DOCK1: variants seen among roughly 807,000 people sequenced by gnomAD.
The protein encoded by DOCK1 is dedicator of cytokinesis 1.
A neutral mutation model predicts 262.7 loss-of-function variants in DOCK1; 138 were observed. The observed-to-expected ratio is 0.53, with a 90% CI of 0.46 to 0.61. The LOEUF is 0.61. Among genes scored for constraint, DOCK1 ranks in the 20% least tolerant of loss-of-function variants. The pLI, the probability that DOCK1 is intolerant of heterozygous loss-of-function variation, is 0.00. For synonymous variants in DOCK1, 866 were observed against 867.4 expected, an observed-to-expected ratio of 1.00 and a Z score of 0.03; for missense variants, 1,908 against 2,370.7, an observed-to-expected ratio of 0.80 and a Z score of 4.05.
chr10:127,195,249 G>C (rs570177608), intron 27 of DOCK1, among the ~76,000 whole-genome samples: 2 of 152,224 alleles, frequency 1.3e-5, no homozygotes, highest in South Asian at 2.1e-4. Flanking sequence ...CCCCGACCCC[G>C]GGCTGCCCGC....
At chr10:127,272,742 T>C (rs1324193744) in intron 29 of DOCK1, among the ~76,000 whole-genome samples, 1 of 152,218 alleles carries the variant, frequency 6.6e-6, no homozygotes, top group African/African-American at 2.4e-5. Flanking sequence ...AGAAAGAGTT[T>C]ATTGGACTTA....
intron 27 of DOCK1, among the ~76,000 whole-genome samples, chr10:127,157,526 T>C (rs1273051819): frequency 2.0e-5 from 3 of 152,270 alleles, no homozygotes; most frequent in Admixed American, 2.0e-4. Context: ...TCATTTTCAC[T>C]CAATTTTCTT....
At chr10:127,327,739 A>G (rs2135627115) in intron 29 of DOCK1, among the ~76,000 whole-genome samples, 1 of 152,346 alleles carries the variant, frequency 6.6e-6, no homozygotes, top group South Asian at 2.1e-4. Context: ...AACAGCTGGT[A>G]GGACCCAGCC....
rs565118703 is a variant in DOCK1 at position 127,273,151 on chromosome 10, G to A, written c.3044+15722G>A. ...ATTCAGGGGAAAACACTAAAGTGAAGTTTCCTGCAAGAGCCAGAAAATCCT... is the reference window on the plus strand; with the variant it reads ...ATTCAGGGGAAAACACTAAAGTGAAATTTCCTGCAAGAGCCAGAAAATCCT... On this transcript the variant is annotated intron_variant, in intron 29 of 51. Coordinates refer to ENST00000623213, the MANE Select transcript of DOCK1 (RefSeq NM_001290223.2). Among the ~76,000 whole-genome samples the A allele has an allele frequency of 2.6e-5, 4 of 152,334 alleles. No homozygotes were observed. The East Asian group carries it at 5.8e-4, about 22-fold the overall frequency.
intron 43 of DOCK1, among the ~76,000 whole-genome samples, 175 bp from the exon 44 acceptor site, chr10:127,414,977 G>A (rs538092783): frequency 5.3e-5 from 8 of 152,320 alleles, no homozygotes; most frequent in African/African-American, 1.7e-4. Context: ...TAGGTAGAGC[G>A]TGGCTTGTGA....
chr10:127,344,856 G>A (rs900700284), intron 31 of DOCK1, among the ~76,000 whole-genome samples: 4 of 152,016 alleles, frequency 2.6e-5, no homozygotes, highest in Non-Finnish European at 5.9e-5. Context: ...GGGCAACATG[G>A]CAAGACCCCC....
chr10:127,280,028 ATATAT>A (rs2060889781), intron 29 of DOCK1, among the ~76,000 whole-genome samples: 1 of 141,642 alleles, frequency 7.1e-6, no homozygotes, highest in African/African-American at 2.6e-5. Context: ...ATATATATAT[ATATAT>A]AATTTTTTTT....
Position 127,024,698 on chromosome 10 carries a change from C to T in DOCK1, c.1466C>T (p.Pro489Leu), listed in dbSNP as rs201991461. The stretch of plus-strand genomic sequence containing the variant: ...CTTCTTTTAAAGCATGTGATTTTCC[C>T]GGGTGCTGGTGATGAAGCGATTTCA... ...DGKRLEHVIF[P>L]GAGDEAISEY... The change falls in exon 15 of 52, where the codon CCG (proline) becomes CTG (leucine). Residue 489 changes from proline (P) to leucine (L), a missense_variant. Around this residue, in one of 9 missense-constraint regions of DOCK1, gnomAD observed 294 missense variants for 439.9 expected, o/e 0.67. Transcript: ENST00000623213. The T allele has an allele frequency of 1.1e-5, 17 of 1,610,440 alleles. No homozygotes were observed. The highest frequency in any genetic ancestry group is 1.4e-5 in the Non-Finnish European group (16 of 1,178,526).
At chr10:127,355,932 C>T (rs1232659354) in intron 32 of DOCK1, among the ~76,000 whole-genome samples, 3 of 152,368 alleles carry the variant, frequency 2.0e-5, no homozygotes, top group South Asian at 2.1e-4. Flanking sequence ...TGGAAAGCCA[C>T]AGCAGATGCT....
intron 23 of DOCK1, among the ~76,000 whole-genome samples, chr10:127,073,900 T>C (rs916253368): frequency 6.6e-6 from 1 of 152,198 alleles, no homozygotes; most frequent in African/African-American, 2.4e-5. Flanking sequence ...AGCTGTCTGC[T>C]GAGGTGATGG....
chr10:126,987,013 T>C (rs1413367397), intron 4 of DOCK1, among the ~76,000 whole-genome samples: 3 of 152,184 alleles, frequency 2.0e-5, no homozygotes, highest in Non-Finnish European at 4.4e-5. Flanking sequence ...AGAGTAACCA[T>C]GGACATTTGG....
chr10:127,009,596 A>G (rs1340047770), intron 11 of DOCK1, among the ~76,000 whole-genome samples: 10 of 152,070 alleles, frequency 6.6e-5, no homozygotes, highest in Non-Finnish European at 1.3e-4. Flanking sequence ...TTGGGTGGCG[A>G]TGTTAGGGGA....
intron 12 of DOCK1, 179 bp from the exon 13 acceptor site, chr10:127,018,531 A>G: frequency 1.2e-6 from 1 of 863,456 alleles, no homozygotes; most frequent in East Asian, 2.7e-5. Context: ...CGTTGGATGC[A>G]TGGAGTCCCC....
chr10:127,410,623 G>T (rs556381772), intron 42 of DOCK1, among the ~76,000 whole-genome samples: 4 of 152,092 alleles, frequency 2.6e-5, no homozygotes, highest in African/African-American at 9.6e-5. Context: ...TTCCCTCGAG[G>T]GTTGGCAGGG....
At chr10:127,321,292 CT>C (rs2062514016) in intron 29 of DOCK1, among the ~76,000 whole-genome samples, 1 of 141,674 alleles carries the variant, frequency 7.1e-6, no homozygotes, top group African/African-American at 2.6e-5. Context: ...CTCCCCTCCC[CT>C]CTCCTCTCTT....
intron 23 of DOCK1, among the ~76,000 whole-genome samples, chr10:127,087,239 GT>G (rs1409421119): frequency 6.6e-6 from 1 of 152,216 alleles, no homozygotes; most frequent in Non-Finnish European, 1.5e-5. Flanking sequence ...AGTAATGTGA[GT>G]TTTCAGGAGA....
At chr10:126,946,686 TG>T (rs2035434076) in intron 1 of DOCK1, among the ~76,000 whole-genome samples, 5 of 152,248 alleles carry the variant, frequency 3.3e-5, no homozygotes, top group Non-Finnish European at 1.5e-5. Flanking sequence ...CTTTTGTGCC[TG>T]GCTAATTTCG....
Position 127,175,904 on chromosome 10 carries a change from C to T in DOCK1, c.2847+48140C>T, listed in dbSNP as rs761300471. The T allele has an allele frequency of 1.1e-5, 18 of 1,614,084 alleles. No homozygotes were observed. Among genetic ancestry groups the T allele is most frequent in the Middle Eastern group, 1.6e-4 (1 of 6,084 alleles). On this transcript the variant is annotated intron_variant, in intron 27 of 51. Transcript: ENST00000623213. The surrounding 1 kb of genome is among the most constrained non-coding windows in gnomAD (Gnocchi z 6.3). ...AGGCTGTGGTCTTGTGCACCCGCCC[C>T]GCGCCACATGGCCGGGCCTCCTCCA...
chr10:127,413,938 G>A (rs1204838473), intron 43 of DOCK1, among the ~76,000 whole-genome samples: 3 of 151,370 alleles, frequency 2.0e-5, no homozygotes, highest in African/African-American at 4.9e-5. Context: ...TTGAGAGAGA[G>A]TCTTGCTCTG....
Sources: allele counts gnomAD v4.1 joint callset (sites outside exome capture counted in the v4.1 genomes callset), GRCh38; gene constraint gnomAD v4.1.1; regional missense constraint gnomAD v4.1.1; non-coding constraint Gnocchi (gnomAD v3.1); transcripts MANE v1.5; gene names NCBI Gene and HGNC (gene_info 2026-07-23, HGNC 2026-07-21).